ST18: variants seen among roughly 807,000 people sequenced by gnomAD.
The protein encoded by ST18 is suppression of tumorigenicity 18 protein.
Under a neutral mutation model 110.0 loss-of-function variants are expected in ST18, and 50 were observed. That is an observed-to-expected ratio of 0.45 (90% CI 0.36 to 0.58). ST18 has a LOEUF of 0.58. ST18 is among the 20% of genes least tolerant of loss of function. ST18 has a pLI of 0.00. For synonymous variants in ST18, 461 were observed against 452.4 expected, an observed-to-expected ratio of 1.02 and a Z score of -0.24; for missense variants, 1,306 against 1,280.1, an observed-to-expected ratio of 1.02 and a Z score of -0.31.
rs148927315 is a variant in ST18, at chr8:52,391,750, G to A, written c.-465+17578C>T. ...CAGGACAATGAAATCACCTAAGGAT[G>A]CATCTCTCAGAATACATCCCTGTCA... On this transcript the variant is annotated intron_variant, in intron 2 of 25. Coordinates refer to ENST00000689386, the MANE Select transcript of ST18 (RefSeq NM_001352837.2). Among the ~76,000 whole-genome samples the A allele has an allele frequency of 4.4e-3, 670 of 152,260 alleles. 6 individuals carry two copies. Among genetic ancestry groups the A allele is most frequent in the African/African-American group, 0.016 (652 of 41,544 alleles).
chr8:52,223,134 A>AGGGAC (rs2087625647), intron 3 of ST18, among the ~76,000 whole-genome samples: 2 of 152,310 alleles, frequency 1.3e-5, no homozygotes, highest in Admixed American at 6.5e-5. Flanking sequence ...GCCAATAATT[A>AGGGAC]GGGACTCTCA....
rs2061420965 is a variant in ST18, at chr8:52,161,392, GT to G, written c.1576del (p.Thr526HisfsTer14). The G allele has an allele frequency of 6.2e-7, 1 of 1,613,852 alleles. No homozygotes were observed. Among genetic ancestry groups the G allele is most frequent in the Non-Finnish European group, 8.5e-7 (1 of 1,179,882 alleles). ...PLIQTVQGRKTPPFPESKHFP... is the reference protein window; with the variant it reads ...PLIQTVQGRKXPPFPESKHFP... Reference sequence around the variant, plus strand: ...AAGCTTACATTCAGGAAATGGTGGTGTTTTTCGTCCTTGCACTGTTTGTATG... The same window carrying G: ...AAGCTTACATTCAGGAAATGGTGGTGTTTTCGTCCTTGCACTGTTTGTATG... On this transcript the variant is annotated frameshift_variant, in exon 14 of 26. Coordinates refer to ENST00000689386, the MANE Select transcript of ST18 (RefSeq NM_001352837.2). LOFTEE classifies it high-confidence loss of function.
intron 15 of ST18, among the ~76,000 whole-genome samples, chr8:52,155,845 G>A (rs910960292): frequency 6.6e-6 from 1 of 152,080 alleles, no homozygotes; most frequent in Non-Finnish European, 1.5e-5. Context: ...ACATGTATTA[G>A]CCCCAATATA....
At position 52,362,789 on chromosome 8, in the gene ST18, C is replaced by T. The variant is rs563453984; in HGVS notation, c.-465+46539G>A. Among the ~76,000 whole-genome samples the T allele has an allele frequency of 5.9e-5, 9 of 152,278 alleles. No individual in the cohort carries two copies. In the South Asian group the frequency reaches 1.7e-3, roughly 28 times the overall value. On this transcript the variant is annotated intron_variant, in intron 2 of 25. Coordinates refer to ENST00000689386, the MANE Select transcript of ST18 (RefSeq NM_001352837.2). Reference sequence around the variant, plus strand: ...TATTCCTTCCAGCAGGACACAGACTCCCCTGTAGGGTCCTTCTTACACTTA... The same window carrying T: ...TATTCCTTCCAGCAGGACACAGACTTCCCTGTAGGGTCCTTCTTACACTTA...
intron 2 of ST18, among the ~76,000 whole-genome samples, chr8:52,285,048 C>G (rs2095445632): frequency 6.6e-6 from 1 of 152,164 alleles, no homozygotes; most frequent in Admixed American, 6.5e-5. Flanking sequence ...AGCATGCTAA[C>G]TTATCACTGG....
chr8:52,166,975 G>T lies in ST18; in HGVS notation c.1081C>A (p.Pro361Thr), dbSNP rs1167265494. The T allele has an allele frequency of 1.9e-6, 3 of 1,608,052 alleles. No homozygotes were observed. The African/African-American group carries it at 4.0e-5, about 22-fold the overall frequency. Residue 361 changes from proline (P) to threonine (T), a missense_variant, in exon 11 of 26, where the codon CCT (proline) becomes ACT (threonine). By Grantham distance (38) the Pro-to-Thr change is conservative. Transcript: ENST00000689386. ...GGGCACTTGGTCTCCCTCTTTTCAGGCCTTGGTGAATCTATGGAGAAATTC... is the reference window on the plus strand; with the variant it reads ...GGGCACTTGGTCTCCCTCTTTTCAGTCCTTGGTGAATCTATGGAGAAATTC... ...QIFNNKHSPR[P>T]EKRETKCPIP...
chr8:52,401,311 T>C (rs1375177500), intron 2 of ST18, among the ~76,000 whole-genome samples: 1 of 152,192 alleles, frequency 6.6e-6, no homozygotes, highest in African/African-American at 2.4e-5. Context: ...GGGGCCCTCT[T>C]TGGGTTGAAC....
intron 2 of ST18, among the ~76,000 whole-genome samples, chr8:52,268,462 A>G (rs1589456651): frequency 7.1e-6 from 1 of 141,660 alleles, no homozygotes; most frequent in Non-Finnish European, 1.5e-5. Context: ...TCGTCTATCT[A>G]TCTATCATCT....
At chr8:52,124,735 A>C (rs553550063) in intron 23 of ST18, among the ~76,000 whole-genome samples, 265 of 152,154 alleles carry the variant, frequency 1.7e-3, no homozygotes, top group Non-Finnish European at 1.8e-3. Context: ...CCAGGGCTTT[A>C]TTTCTCCTCT....
chr8:52,293,677 T>C (rs1392368178), intron 2 of ST18, among the ~76,000 whole-genome samples: 1 of 152,214 alleles, frequency 6.6e-6, no homozygotes, highest in African/African-American at 2.4e-5. Flanking sequence ...ATTTTCTCTC[T>C]TTTTTCTGTG....
At chr8:52,329,669 TG>T (rs1280824868) in intron 2 of ST18, among the ~76,000 whole-genome samples, 1 of 151,992 alleles carries the variant, frequency 6.6e-6, no homozygotes, top group Non-Finnish European at 1.5e-5. Context: ...GCAGAAGAAT[TG>T]CTTGAACCCA....
chr8:52,113,725 G>A (rs541243351), intron 25 of ST18, among the ~76,000 whole-genome samples: 1 of 152,128 alleles, frequency 6.6e-6, no homozygotes, highest in East Asian at 1.9e-4. Flanking sequence ...GGGAAGGAAG[G>A]GTTGCTTGTA....
chr8:52,281,990 A>G (rs774298148), intron 2 of ST18, among the ~76,000 whole-genome samples: 2 of 152,196 alleles, frequency 1.3e-5, no homozygotes, highest in South Asian at 4.1e-4. Flanking sequence ...AATCACCACT[A>G]AAGAACTTAT....
At chr8:52,324,118 A>G (rs907705831) in intron 2 of ST18, among the ~76,000 whole-genome samples, 1 of 152,078 alleles carries the variant, frequency 6.6e-6, no homozygotes. Context: ...GAGAGTTGGG[A>G]GTAAGGATGG....
chr8:52,159,050 T>G lies in ST18; in HGVS notation c.1654A>C (p.Thr552Pro), dbSNP rs760805716. The change falls in exon 15 of 26, where the codon ACC becomes CCC. Residue 552 changes from threonine to proline, a missense_variant. Physicochemically the swap from Thr to Pro is conservative, Grantham distance 38. Transcript: ENST00000689386. ...GAGCTGGCACGGCCAGGGCTCTGGG[T>G]GTGGGCGCCTGCACTAGGCAGTCGA... ...PNRLPSAGAH[T>P]QSPGRASSYS... The G allele has an allele frequency of 9.3e-6, 15 of 1,613,988 alleles. No homozygotes were observed. The highest frequency in any genetic ancestry group is 1.3e-5 in the Non-Finnish European group (15 of 1,180,032).
chr8:52,335,476 G>C (rs1811598801), intron 2 of ST18, among the ~76,000 whole-genome samples: 1 of 152,138 alleles, frequency 6.6e-6, no homozygotes, highest in South Asian at 2.1e-4. Flanking sequence ...GGAATATTTT[G>C]CATATACATA....
intron 2 of ST18, among the ~76,000 whole-genome samples, chr8:52,308,345 G>A (rs141336095): frequency 1.1e-3 from 175 of 152,296 alleles, no homozygotes; most frequent in African/African-American, 3.9e-3. Context: ...TGTACTATAC[G>A]TTTTCTCACT....
chr8:52,176,327 T>G (rs1265687552), intron 9 of ST18, among the ~76,000 whole-genome samples: 1 of 152,086 alleles, frequency 6.6e-6, no homozygotes, highest in Non-Finnish European at 1.5e-5. Context: ...TGGCCAATTG[T>G]CAGGTAACTT....
chr8:52,172,349 T>A lies in ST18; in HGVS notation c.512A>T (p.His171Leu). 1 of 1,614,178 alleles carries A rather than the reference T, an allele frequency of 6.2e-7. No individual in the cohort carries two copies. ...AATCTTGTCTCTTCCATCATCAGAA[T>A]GAATCAGAAAGCACTCGTCTGCTTC... Reference protein sequence around the residue: ...SDEADECFLIHSDDGRDKIDD... With the variant: ...SDEADECFLILSDDGRDKIDD... The change falls in exon 10 of 26, where the codon CAT becomes CTT. Residue 171 changes from histidine to leucine, a missense_variant. Physicochemically the swap from His to Leu is moderately conservative, Grantham distance 99. Transcript: ENST00000689386.
Sources: gnomAD v4.1 joint callset for allele counts (sites outside exome capture counted in the v4.1 genomes callset) on GRCh38, gnomAD v4.1.1 for gene constraint, MANE v1.5 for transcripts, NCBI Gene and HGNC (gene_info 2026-07-23, HGNC 2026-07-21) for gene names.